Variants in TPD52L2 observed in about 807,000 individuals in gnomAD.
The protein encoded by TPD52L2 is tumor protein D54.
A neutral mutation model predicts 24.7 loss-of-function variants in TPD52L2; 19 were observed. That is an observed-to-expected ratio of 0.77 (90% confidence interval 0.54 to 1.13). The LOEUF (loss-of-function observed/expected upper bound fraction) is 1.13. Ranked by LOEUF, TPD52L2 falls within the 50% of genes most tolerant of loss-of-function variation. The pLI, the probability that TPD52L2 is intolerant of heterozygous loss-of-function variation, is 0.00. For missense variants in TPD52L2, 236 were observed against 250.4 expected (o/e 0.94, Z 0.39); for synonymous variants, 104 against 100.2 (o/e 1.04, Z -0.23).
chr20:63,885,922 C>T, intron 5 of TPD52L2: 1 of 1,364,658 alleles, frequency 7.3e-7, no homozygotes, highest in South Asian at 1.2e-5. Flanking sequence ...GAGCAGGGGG[C>T]CTCCCCTGGG....
chr20:63,872,042 CTTT>C (rs34989051), intron 2 of TPD52L2, among the ~76,000 whole-genome samples: 14 of 106,906 alleles, frequency 1.3e-4, no homozygotes, highest in Admixed American at 1.8e-4. Context: ...AGGTCATGTT[CTTT>C]TTTTTTTTTT....
intron 1 of TPD52L2, among the ~76,000 whole-genome samples, chr20:63,867,798 T>C (rs899700578): frequency 2.8e-4 from 43 of 151,082 alleles, no homozygotes; most frequent in African/African-American, 1.0e-3. Flanking sequence ...TTGTTTTTTT[T>C]TTTTGAGACA....
intron 1 of TPD52L2, 123 bp from the exon 2 acceptor site, chr20:63,869,173 G>A (rs913326600): frequency 4.7e-6 from 5 of 1,068,320 alleles, no homozygotes; most frequent in Admixed American, 3.6e-5. Flanking sequence ...TTTCAGAGAA[G>A]AGGTGTTAGT....
At chr20:63,883,132 G>A (rs991862808) in intron 5 of TPD52L2, among the ~76,000 whole-genome samples, 3 of 152,190 alleles carry the variant, frequency 2.0e-5, no homozygotes, top group Non-Finnish European at 2.9e-5. Flanking sequence ...GAGTGGCAGC[G>A]ACTCCAGCCC....
rs781600971 is a variant in TPD52L2 at position 63,887,537 on chromosome 20, C to T, written c.477-1653C>T. On this transcript the variant is annotated intron_variant, in intron 5 of 6. Coordinates refer to ENST00000346249, the MANE Select transcript of TPD52L2 (RefSeq NM_003288.4). Reference sequence around the variant, plus strand: ...TCTTGGTGTTAACTCTTGCTTCCTTCTCTGCTTCTGCCATGCTTCCAAGCA... The same window carrying T: ...TCTTGGTGTTAACTCTTGCTTCCTTTTCTGCTTCTGCCATGCTTCCAAGCA... 6.8e-6 allele frequency: 11 copies of T among 1,605,908 alleles called. 1 individual carries two copies. The South Asian group carries it at 1.1e-4, about 16-fold the overall frequency.
At position 63,891,527 on chromosome 20, in the gene TPD52L2, C is replaced by T. The variant is rs1256815173; in HGVS notation, c.*1582C>T. ...TGGGTAATTTGTCAATAAAGCATTCCTTTGGGGGAAAGTCCGCCTCGGCTT... is the reference window on the plus strand; with the variant it reads ...TGGGTAATTTGTCAATAAAGCATTCTTTTGGGGGAAAGTCCGCCTCGGCTT... On this transcript the variant is annotated 3_prime_UTR_variant, in exon 7 of 7. Transcript: ENST00000346249. The surrounding 1 kb of genome is among the most constrained non-coding windows in gnomAD (Gnocchi z 4.7). 1 of 152,218 alleles carries T rather than the reference C, an allele frequency of 6.6e-6. No homozygotes were observed. Among genetic ancestry groups the T allele is most frequent in the East Asian group, 1.9e-4 (1 of 5,316 alleles). The allele number at this position is 152,218 out of a possible 1,614,324, so 9.4% of individuals were successfully genotyped here.
rs765944720 is a variant in TPD52L2 at position 63,889,892 on chromosome 20, C to T, written c.568C>T (p.Pro190Ser). ...CAGAGAGAACGGCAGTGACAACCTC[C>T]CTTCCTCAGCGGGGAGTGGTGACAA... ...GDRENGSDNL[P>S]SSAGSGDKPL... Residue 190 changes from proline (P) to serine (S), a missense_variant, in exon 7 of 7, where the codon CCT (proline) becomes TCT (serine). By Grantham distance (74) the Pro-to-Ser change is moderately conservative. Transcript: ENST00000346249. 8 of 1,614,084 alleles carry T rather than the reference C, an allele frequency of 5.0e-6. No homozygotes were observed. In the African/African-American group the frequency reaches 9.3e-5, roughly 19 times the overall value.
At chr20:63,865,983 T>TA (rs2052211714) in intron 1 of TPD52L2, among the ~76,000 whole-genome samples, 1 of 152,162 alleles carries the variant, frequency 6.6e-6, no homozygotes, top group Admixed American at 6.5e-5. Context: ...CCCAGAGCAG[T>TA]ATGAGATGGC....
rs1235672286 is a variant in TPD52L2 at position 63,890,097 on chromosome 20, C to T, written c.*152C>T. On this transcript the variant is annotated 3_prime_UTR_variant, in exon 7 of 7. Coordinates refer to ENST00000346249, the MANE Select transcript of TPD52L2 (RefSeq NM_003288.4). ...CATCCACGCGGAGATGTGGCTGCCG[C>T]GTTTGCATGAATTTGAAGAACACAG... is the stretch of plus-strand genomic sequence containing the variant. 6.1e-6 allele frequency: 9 copies of T among 1,478,326 alleles called. No homozygotes were observed. The South Asian group carries it at 6.3e-5, about 10-fold the overall frequency. 91.6% of individuals were successfully genotyped at this position (1,478,326 alleles called of 1,614,324 possible). A position where few individuals can be genotyped will look rare whatever the true frequency, so the allele number is the denominator to read the frequency against.
chr20:63,867,242 T>C (rs1017489535), intron 1 of TPD52L2, among the ~76,000 whole-genome samples: 4 of 152,100 alleles, frequency 2.6e-5, no homozygotes. Context: ...GTGTGAGCCA[T>C]TGTGCCCAGC....
intron 2 of TPD52L2, among the ~76,000 whole-genome samples, chr20:63,870,009 T>C (rs1007572622): frequency 2.6e-5 from 4 of 152,116 alleles, no homozygotes; most frequent in Non-Finnish European, 5.9e-5. Flanking sequence ...GTGCCTGTAG[T>C]CCCAGCTACT....
At chr20:63,885,350 C>G (rs2053052523) in intron 5 of TPD52L2, among the ~76,000 whole-genome samples, 1 of 152,236 alleles carries the variant, frequency 6.6e-6, no homozygotes, top group East Asian at 1.9e-4. Context: ...GGCATCGGCC[C>G]TCTCAGGACC....
At chr20:63,887,632 C>G in intron 5 of TPD52L2, 1 of 1,610,548 alleles carries the variant, frequency 6.2e-7, no homozygotes, top group Middle Eastern at 1.7e-4. Flanking sequence ...CGCTGCGGCT[C>G]CAGAGCCGGG....
chr20:63,881,068 G>A (rs953542675), intron 4 of TPD52L2, among the ~76,000 whole-genome samples: 1 of 151,966 alleles, frequency 6.6e-6, no homozygotes, highest in Non-Finnish European at 1.5e-5. Flanking sequence ...GCTCACACCT[G>A]TCATCCGAGC....
intron 1 of TPD52L2, 31 bp downstream of exon 1, chr20:63,865,415 G>T (rs1481045874): frequency 1.0e-5 from 16 of 1,526,540 alleles, no homozygotes; most frequent in Non-Finnish European, 1.4e-5. Context: ...CTTCGCCGCA[G>T]ATGGGCCCAG....
intron 4 of TPD52L2, among the ~76,000 whole-genome samples, chr20:63,882,114 G>T (rs1568954619): frequency 6.6e-6 from 1 of 152,264 alleles, no homozygotes; most frequent in Admixed American, 6.5e-5. Context: ...GGCACACGGG[G>T]CCCCGCCGTC....
chr20:63,869,726 T>C (rs1455050106), intron 2 of TPD52L2, among the ~76,000 whole-genome samples: 1 of 152,238 alleles, frequency 6.6e-6, no homozygotes, highest in African/African-American at 2.4e-5. Flanking sequence ...GAACCGCCTC[T>C]GAGCAGCCAT....
Position 63,890,236 on chromosome 20 carries a change from A to G in TPD52L2, c.*291A>G, listed in dbSNP as rs1405822914. 7.1e-6 allele frequency: 4 copies of G among 566,806 alleles called. No homozygotes were observed. In the Admixed American group the frequency reaches 1.1e-4, roughly 15 times the overall value. The allele number at this position is 566,806 out of a possible 1,614,324, so 35.1% of individuals were successfully genotyped here. On this transcript the variant is annotated 3_prime_UTR_variant, in exon 7 of 7. Coordinates refer to ENST00000346249, the MANE Select transcript of TPD52L2 (RefSeq NM_003288.4). The stretch of plus-strand genomic sequence containing the variant: ...GGAGGGTTTGAAAGAATATTGAGCC[A>G]AAGCCCAGGCTCCCTTTGGGAATCA...
chr20:63,869,997 A>C (rs372759169), intron 2 of TPD52L2, among the ~76,000 whole-genome samples: 1 of 152,092 alleles, frequency 6.6e-6, no homozygotes, highest in East Asian at 1.9e-4. Flanking sequence ...GTGTGGTGGC[A>C]TGTGCCTGTA....
Sources: allele counts gnomAD v4.1 joint callset (sites outside exome capture counted in the v4.1 genomes callset), GRCh38; gene constraint gnomAD v4.1.1; non-coding constraint Gnocchi (gnomAD v3.1); transcripts MANE v1.5; gene names NCBI Gene and HGNC (gene_info 2026-07-23, HGNC 2026-07-21).